The following CLN6 variants were observed in gnomAD, a reference collection of about 807,000 sequenced individuals.
The protein encoded by CLN6 is ceroid-lipofuscinosis neuronal protein 6.
In CLN6, 22 loss-of-function variants were observed where a neutral mutation model predicts 33.3. The ratio of observed to expected loss-of-function variants is 0.66; its 90% confidence interval spans 0.47 to 0.94. The LOEUF is 0.94. Among genes scored for constraint, CLN6 ranks in the 40% least tolerant of loss-of-function variants. The pLI is 0.00. For missense variants in CLN6, 387 were observed against 417.1 expected, an observed-to-expected ratio of 0.93 and a Z score of 0.63; for synonymous variants, 201 against 174.6, an observed-to-expected ratio of 1.15 and a Z score of -1.19.
intron 2 of CLN6, among the ~76,000 whole-genome samples, chr15:68,216,120 A>T (rs2093219979): frequency 6.6e-6 from 1 of 152,194 alleles, no homozygotes; most frequent in African/African-American, 2.4e-5. Flanking sequence ...TCTAAGCAGG[A>T]TGGGGGAAGT....
At chr15:68,223,302 G>A (rs1422704780) in intron 1 of CLN6, among the ~76,000 whole-genome samples, 5 of 152,130 alleles carry the variant, frequency 3.3e-5, no homozygotes, top group African/African-American at 1.2e-4. Flanking sequence ...TGAGATGCCT[G>A]GCTTACTGGA....
intron 3 of CLN6, 116 bp downstream of exon 3, chr15:68,214,174 C>T: frequency 1.2e-6 from 1 of 814,340 alleles, no homozygotes; most frequent in Non-Finnish European, 2.1e-6. Flanking sequence ...CAGCCTTCAC[C>T]CCCCAGCAGC....
intron 2 of CLN6, 131 bp downstream of exon 2, chr15:68,218,405 C>T: frequency 1.4e-6 from 1 of 732,366 alleles, no homozygotes; most frequent in Admixed American, 1.9e-5. Flanking sequence ...GATATGAAGG[C>T]ATCCAGGCCT....
Position 68,241,710 on chromosome 15 carries a change from C to T in CLN6, c.179+14980G>A, listed in dbSNP as rs1490836973. 6.6e-6 allele frequency among the ~76,000 whole-genome samples: 1 copy of T among 152,192 alleles called. No homozygotes were observed. Among genetic ancestry groups the T allele is most frequent in the Non-Finnish European group, 1.5e-5 (1 of 68,032 alleles). ...ATCAGAGTGGCTGTTAGCAGCACCACACTGTAGCAGCTGCATTCCACAGGT... is the reference window on the plus strand; with the variant it reads ...ATCAGAGTGGCTGTTAGCAGCACCATACTGTAGCAGCTGCATTCCACAGGT... On this transcript the variant is annotated intron_variant, in intron 1 of 6. Coordinates refer to the CLN6 transcript ENST00000538696. This position sits in a 1 kb window ranked among gnomAD's most constrained non-coding sequence, Gnocchi z 4.2.
intron 1 of CLN6, among the ~76,000 whole-genome samples, chr15:68,251,397 A>G (rs192729950): frequency 4.6e-5 from 7 of 152,278 alleles, no homozygotes; most frequent in Middle Eastern, 3.4e-3. Flanking sequence ...AGACAAGGTC[A>G]GGCGCAGTGG....
At chr15:68,255,723 T>G (rs1892427695) in intron 1 of CLN6, among the ~76,000 whole-genome samples, 1 of 152,194 alleles carries the variant, frequency 6.6e-6, no homozygotes, top group Non-Finnish European at 1.5e-5. Flanking sequence ...CTTGGGAAAA[T>G]AAAAGAAACA....
intron 1 of CLN6, 89 bp downstream of exon 1, chr15:68,229,413 C>A: frequency 9.3e-7 from 1 of 1,078,776 alleles, no homozygotes; most frequent in East Asian, 3.4e-5. Context: ...GAGGTTCCCG[C>A]CCGGCAGCCC....
intron 1 of CLN6, among the ~76,000 whole-genome samples, chr15:68,251,544 G>A (rs1482020672): frequency 6.6e-6 from 1 of 152,022 alleles, no homozygotes. Flanking sequence ...ATATGGTGGT[G>A]CACACCTGTA....
At position 68,211,980 on chromosome 15, in the gene CLN6, C is replaced by A; in HGVS notation, c.298-117G>T. On this transcript the variant is annotated intron_variant, in intron 3 of 6. Coordinates refer to ENST00000249806, the MANE Select transcript of CLN6 (RefSeq NM_017882.3). The surrounding 1 kb of genome is among the most constrained non-coding windows in gnomAD (Gnocchi z 5.9). ...GACGCTTCCAGCTGGAATGTCACTC[C>A]AAAAAGTGGCTGGTCCCTTTAGCAG... 1 of 1,082,974 alleles carries A rather than the reference C, an allele frequency of 9.2e-7. No individual in the cohort carries two copies. Among genetic ancestry groups the A allele is most frequent in the Non-Finnish European group, 1.3e-6 (1 of 749,540 alleles). The allele number at this position is 1,082,974 out of a possible 1,614,324, so 67.1% of individuals were successfully genotyped here. A position where few individuals can be genotyped will look rare whatever the true frequency, so the allele number is the denominator to read the frequency against.
chr15:68,211,473 G>C lies in CLN6; in HGVS notation c.487-155C>G. The C allele has an allele frequency of 6.5e-7, 1 of 1,542,616 alleles. No individual in the cohort carries two copies. Among genetic ancestry groups the C allele is most frequent in the Admixed American group, 1.8e-5 (1 of 55,654 alleles). On this transcript the variant is annotated intron_variant, in intron 4 of 6. Coordinates refer to ENST00000249806, the MANE Select transcript of CLN6 (RefSeq NM_017882.3). The surrounding 1 kb of genome is among the most constrained non-coding windows in gnomAD (Gnocchi z 5.9). Reference sequence around the variant, plus strand: ...CCCGGGGCCTCGCCTTCTGTTACAGGGGCCCAGGTGGGAGGCAGTCTGTGC... The same window carrying C: ...CCCGGGGCCTCGCCTTCTGTTACAGCGGCCCAGGTGGGAGGCAGTCTGTGC...
intron 1 of CLN6, among the ~76,000 whole-genome samples, chr15:68,244,655 C>T (rs1892312236): frequency 6.6e-6 from 1 of 152,060 alleles, no homozygotes; most frequent in East Asian, 1.9e-4. Context: ...ACAAAGACAA[C>T]CCCAGAATAC....
rs1455339969 is a variant in CLN6 at position 68,210,930 on chromosome 15, C to A, written c.542+333G>T. ...TTATCAGGGACGCGTCCTCCTCCCC[C>A]ACCCTCAGGGCTCAGGCTTGGCGAG... On this transcript the variant is annotated intron_variant, in intron 5 of 6. Transcript: ENST00000249806. The surrounding 1 kb of genome is among the most constrained non-coding windows in gnomAD (Gnocchi z 5.6). Among the ~76,000 whole-genome samples the A allele has an allele frequency of 1.3e-5, 2 of 152,320 alleles. No homozygotes were observed. The highest frequency in any genetic ancestry group is 3.4e-3 in the Middle Eastern group (1 of 294).
At position 68,211,174 on chromosome 15, in the gene CLN6, G is replaced by T; in HGVS notation, c.542+89C>A. On this transcript the variant is annotated intron_variant, in intron 5 of 6. Coordinates refer to ENST00000249806, the MANE Select transcript of CLN6 (RefSeq NM_017882.3). This position sits in a 1 kb window ranked among gnomAD's most constrained non-coding sequence, Gnocchi z 5.9. ...TCAACACATGGAGACCCGCAGCCCAGACAGCCTTGCTCAGTGTGTCCCTGA... is the reference window on the plus strand; with the variant it reads ...TCAACACATGGAGACCCGCAGCCCATACAGCCTTGCTCAGTGTGTCCCTGA... The T allele has an allele frequency of 1.8e-6, 2 of 1,123,944 alleles. No individual in the cohort carries two copies. Among genetic ancestry groups the T allele is most frequent in the Non-Finnish European group, 2.7e-6 (2 of 732,696 alleles). The allele number at this position is 1,123,944 out of a possible 1,614,324, so 69.6% of individuals were successfully genotyped here.
upstream of CLN6, among the ~76,000 whole-genome samples, chr15:68,233,473 G>C (rs1198792477): frequency 6.6e-6 from 1 of 152,160 alleles, no homozygotes; most frequent in East Asian, 1.9e-4. The surrounding 1 kb of genome is among the most constrained non-coding windows in gnomAD (Gnocchi z 4.3). Context: ...GAAGCCTAAA[G>C]CCACACAGCG....
chr15:68,250,253 T>A (rs1193210991), intron 1 of CLN6, among the ~76,000 whole-genome samples: 1 of 151,508 alleles, frequency 6.6e-6, no homozygotes, highest in African/African-American at 2.4e-5. Flanking sequence ...AATAAAAAAA[T>A]TAAATTCCTA....
intron 1 of CLN6, among the ~76,000 whole-genome samples, chr15:68,251,996 C>T (rs1476290252): frequency 3.8e-5 from 4 of 104,906 alleles, no homozygotes; most frequent in Admixed American, 1.4e-4. Flanking sequence ...TTTTTTGAGA[C>T]GGAGTCTTGG....
At position 68,228,848 on chromosome 15, in the gene CLN6, T is replaced by G. The variant is rs1175344103; in HGVS notation, c.83+654A>C. On this transcript the variant is annotated intron_variant, in intron 1 of 6. Coordinates refer to ENST00000249806, the MANE Select transcript of CLN6 (RefSeq NM_017882.3). This position sits in a 1 kb window ranked among gnomAD's most constrained non-coding sequence, Gnocchi z 4.4. ...AGGCGCTTAAAGAATGCCTGCTGAA[T>G]GCAGTGAATGTTTCTGGTCAGTAAA... is the stretch of plus-strand genomic sequence containing the variant. 6.6e-6 allele frequency among the ~76,000 whole-genome samples: 1 copy of G among 152,180 alleles called. No individual in the cohort carries two copies. The highest frequency in any genetic ancestry group is 1.5e-5 in the Non-Finnish European group (1 of 68,020).
chr15:68,221,230 AACCCTC>A (rs2093234921), intron 1 of CLN6, among the ~76,000 whole-genome samples: 1 of 24,574 alleles, frequency 4.1e-5, no homozygotes, highest in Admixed American at 3.4e-4. Flanking sequence ...CCCCTCCCCC[AACCCTC>A]CCCCTCTCCC....
intron 1 of CLN6, among the ~76,000 whole-genome samples, chr15:68,238,230 C>G (rs12439517): frequency 0.47 from 71,296 of 150,646 alleles, 17,610 homozygotes; most frequent in Non-Finnish European, 0.55. Context: ...ATGGTGAAAC[C>G]CTATCTCCAC....
Sources: allele counts gnomAD v4.1 joint callset (sites outside exome capture counted in the v4.1 genomes callset), GRCh38; gene constraint gnomAD v4.1.1; non-coding constraint Gnocchi (gnomAD v3.1); transcripts MANE v1.5; gene names NCBI Gene and HGNC (gene_info 2026-07-23, HGNC 2026-07-21).